LY75: variants seen among roughly 807,000 people sequenced by gnomAD.
LY75 encodes the protein C-type lectin domain family 13 member B.
A neutral mutation model predicts 231.7 loss-of-function variants in LY75; 185 were observed. The ratio of observed to expected loss-of-function variants is 0.80; its 90% CI spans 0.71 to 0.90. The LOEUF is 0.90. LY75 is among the 40% of genes least tolerant of loss of function. The pLI is 0.00. For synonymous variants in LY75, 668 were observed against 689.0 expected (o/e 0.97, Z 0.48); for missense variants, 1,947 against 2,050.2 (o/e 0.95, Z 0.97).
In LY75 at chr2:159,840,751, C is replaced by A; in HGVS notation, c.3485G>T (p.Trp1162Leu). The A allele has an allele frequency of 6.2e-7, 1 of 1,613,952 alleles. No individual in the cohort carries two copies. The highest frequency in any genetic ancestry group is 1.3e-5 in the African/African-American group (1 of 74,984). The stretch of plus-strand genomic sequence containing the variant: ...TACATCTTGACTGAAGAGTCCGATC[C>A]ATAAGGAAGAGTTGTGAAGGAGCGC... ...VQALLHNSSL[W>L]IGLFSQDDEL... The change falls in exon 25 of 35, where the codon TGG becomes TTG. Residue 1162 changes from tryptophan (W) to leucine (L), a missense_variant. Trp to Leu is a moderately conservative substitution (Grantham distance 61). Coordinates refer to ENST00000263636, the MANE Select transcript of LY75 (RefSeq NM_002349.4).
chr2:159,842,329 G>T lies in LY75; in HGVS notation c.3196C>A (p.Leu1066Ile), dbSNP rs983908611. Residue 1066 changes from leucine to isoleucine, a missense_variant, in exon 24 of 35, where the codon CTC (leucine) becomes ATC (isoleucine). By Grantham distance (5) the Leu-to-Ile change is conservative. Transcript: ENST00000263636. ...SRYHCALILN[L>I]QKSPFTGTWN... ...GTCCCAGTAAACGGTGATTTTTGGA[G>T]GTTGAGTATTAGGGCACAGTGGTAG... 2 of 1,612,722 alleles carry T rather than the reference G, an allele frequency of 1.2e-6. No homozygotes were observed. Among genetic ancestry groups the T allele is most frequent in the Non-Finnish European group, 1.7e-6 (2 of 1,179,132 alleles).
At chr2:159,856,427 A>G (rs536356193) in intron 16 of LY75, among the ~76,000 whole-genome samples, 43 of 152,244 alleles carry the variant, frequency 2.8e-4, no homozygotes, top group African/African-American at 5.8e-4. Context: ...GAGAAGAGGC[A>G]TGGTGATTTA....
At chr2:159,808,622 A>G (rs1682860137) in intron 32 of LY75, 51 bp from the exon 33 acceptor site, 2 of 1,603,252 alleles carry the variant, frequency 1.2e-6, no homozygotes, top group Non-Finnish European at 1.7e-6. Flanking sequence ...CTAGAGAAGT[A>G]GTTTATTCTC....
chr2:159,875,302 G>A, intron 12 of LY75, 142 bp downstream of exon 12: 1 of 1,172,556 alleles, frequency 8.5e-7, no homozygotes, highest in East Asian at 2.7e-5. Context: ...GTTCAGCGAT[G>A]CCCTGCCAAG....
At chr2:159,873,760 CATAAATATATACATTTTGTAAAAATAT>C (rs1685090711) in intron 12 of LY75, among the ~76,000 whole-genome samples, 1 of 96,894 alleles carries the variant, frequency 1.0e-5, no homozygotes, top group African/African-American at 3.0e-5. Flanking sequence ...TAAAAATATA[CATAAATATATACATTTTGTAAAAATAT>C]ACATAAATAT....
At chr2:159,852,708 C>T (rs1443745479) in intron 20 of LY75, among the ~76,000 whole-genome samples, 3 of 152,172 alleles carry the variant, frequency 2.0e-5, no homozygotes, top group Non-Finnish European at 2.9e-5. Flanking sequence ...CATGAGCCAC[C>T]GTGCCCGGCC....
intron 16 of LY75, among the ~76,000 whole-genome samples, chr2:159,855,394 T>TAGAGTTCATTGTCTTCCA (rs1477706258): frequency 6.6e-6 from 1 of 152,196 alleles, no homozygotes; most frequent in Non-Finnish European, 1.5e-5. Context: ...CTTAGGTTGA[T>TAGAGTTCATTGTCTTCCA]AGAGTTCATT....
rs115823005 is a variant in LY75 at position 159,867,708 on chromosome 2, G to A, written c.2118-2788C>T. Among the ~76,000 whole-genome samples the A allele has an allele frequency of 6.7e-3, 1,024 of 152,258 alleles. 8 individuals carry two copies. Among genetic ancestry groups the A allele is most frequent in the African/African-American group, 0.023 (963 of 41,546 alleles). On this transcript the variant is annotated intron_variant, in intron 13 of 34. Coordinates refer to ENST00000263636, the MANE Select transcript of LY75 (RefSeq NM_002349.4). ...TTATTCTACAAAGCCTTAGATTTAT[G>A]TCTAAATCCATTCTTGCCACATCAC...
intron 13 of LY75, among the ~76,000 whole-genome samples, chr2:159,869,971 C>T (rs1403946238): frequency 1.3e-5 from 2 of 152,154 alleles, no homozygotes; most frequent in African/African-American, 4.8e-5. Context: ...TTGGGTCAGT[C>T]TGCAGTGAAA....
chr2:159,830,609 T>G (rs1264521639), intron 28 of LY75, among the ~76,000 whole-genome samples: 1 of 134,008 alleles, frequency 7.5e-6, no homozygotes, highest in Non-Finnish European at 1.6e-5. Context: ...TTTTTTGAGA[T>G]GGAGTCTTGA....
intron 23 of LY75, among the ~76,000 whole-genome samples, chr2:159,843,133 T>A: frequency 6.6e-6 from 1 of 151,996 alleles, no homozygotes; most frequent in African/African-American, 2.4e-5. Flanking sequence ...GAATTCAATA[T>A]AGGAGATTGG....
chr2:159,904,628 A>C lies in LY75; in HGVS notation c.55T>G (p.Phe19Val). 6.6e-7 allele frequency: 1 copy of C among 1,505,706 alleles called. No homozygotes were observed. Among genetic ancestry groups the C allele is most frequent in the Non-Finnish European group, 8.8e-7 (1 of 1,130,498 alleles). 93.3% of individuals were successfully genotyped at this position (1,505,706 alleles called of 1,614,324 possible). Residue 19 changes from phenylalanine (F) to valine (V), a missense_variant, in exon 1 of 35, where the codon TTC becomes GTC. Phe to Val is a conservative substitution (Grantham distance 50, BLOSUM62 -1). Transcript: ENST00000263636. Reference protein sequence around the residue: ...RRPAGLLMLLFWFFDLAEPSG... With the variant: ...RRPAGLLMLLVWFFDLAEPSG... ...GGCTCCGCGAGATCGAAGAACCAGA[A>C]GAGCAGCATGAGGAGCCCCGCCGGG...
At chr2:159,831,310 C>T (rs1683650379) in intron 28 of LY75, among the ~76,000 whole-genome samples, 3 of 152,182 alleles carry the variant, frequency 2.0e-5, no homozygotes, top group South Asian at 2.1e-4. Context: ...GTTTCCCATT[C>T]GCCTCTGACA....
rs1172045125 is a variant in LY75 at position 159,808,459 on chromosome 2, T to C, written c.4812A>G (p.Gln1604=). 2 of 1,613,886 alleles carry C rather than the reference T, an allele frequency of 1.2e-6. No homozygotes were observed. The highest frequency in any genetic ancestry group is 1.7e-5 in the Admixed American group (1 of 60,018). Residue 1604 remains glutamine, a synonymous_variant, in exon 33 of 35, where the codon CAA becomes CAG. Transcript: ENST00000263636. ...AATTATTTCACTTACCAACAGAATG[T>C]TGAGATAATCCAAGCCAAACTCTCA... is the stretch of plus-strand genomic sequence containing the variant. ...ITMRVWLGLS[Q]HSVDQSWSWL...
intron 24 of LY75, 139 bp from the exon 25 acceptor site, chr2:159,841,094 G>T (rs1290758073): frequency 4.5e-6 from 6 of 1,330,554 alleles, no homozygotes; most frequent in South Asian, 3.0e-5. Context: ...TTGGGTGAGA[G>T]AATTAGGTAT....
In LY75 at chr2:159,890,993, C is replaced by T. The variant is rs186286806; in HGVS notation, c.638-616G>A. ...TATACATATGTGTTTGTAGAGTATG[C>T]ATAATTTCAGACAAAGAAACTGCAA... On this transcript the variant is annotated intron_variant, in intron 3 of 34. Transcript: ENST00000263636. 1.9e-3 allele frequency among the ~76,000 whole-genome samples: 294 copies of T among 152,130 alleles called. 1 individual carries two copies. Among genetic ancestry groups the T allele is most frequent in the Middle Eastern group, 3.4e-3 (1 of 294 alleles).
At chr2:159,894,583 T>C (rs977271769) in intron 2 of LY75, among the ~76,000 whole-genome samples, 1 of 152,226 alleles carries the variant, frequency 6.6e-6, no homozygotes, top group African/African-American at 2.4e-5. Context: ...ATTAGAAAGA[T>C]GGACAAATAG....
chr2:159,893,300 C>A (rs751660312), intron 3 of LY75, among the ~76,000 whole-genome samples: 15 of 152,302 alleles, frequency 9.8e-5, no homozygotes, highest in Middle Eastern at 3.4e-3. Context: ...AGGAAAGTTA[C>A]GTTGAAATGA....
intron 13 of LY75, chr2:159,872,236 G>C (rs761661411): frequency 1.6e-4 from 79 of 494,304 alleles, no homozygotes; most frequent in Non-Finnish European, 2.5e-4. Flanking sequence ...TTAAACAAAG[G>C]GTAGGGAATA....
Sources: allele counts gnomAD v4.1 joint callset (sites outside exome capture counted in the v4.1 genomes callset), GRCh38; gene constraint gnomAD v4.1.1; transcripts MANE v1.5; gene names NCBI Gene and HGNC (gene_info 2026-07-23, HGNC 2026-07-21).